UNC13C: variants seen among roughly 807,000 people sequenced by gnomAD.
UNC13C encodes the protein unc-13 homolog C, also known as protein unc-13 homolog C.
Under a neutral mutation model 245.4 loss-of-function variants are expected in UNC13C, and 174 were observed. That is an observed-to-expected ratio of 0.71 (90% CI 0.63 to 0.80). UNC13C has a LOEUF of 0.80. Ranked by LOEUF, UNC13C falls within the 30% of genes least tolerant of loss-of-function variation. The probability of loss-of-function intolerance (pLI) is 0.00; values close to 1 mark genes in which losing one functional copy is unlikely to be tolerated. For missense variants in UNC13C, 2,829 were observed against 2,602.9 expected, an observed-to-expected ratio of 1.09 and a Z score of -1.89; for synonymous variants, 992 against 895.1, an observed-to-expected ratio of 1.11 and a Z score of -1.93.
intron 4 of UNC13C, among the ~76,000 whole-genome samples, chr15:54,197,217 C>A (rs947911020): frequency 1.3e-5 from 2 of 152,152 alleles, no homozygotes; most frequent in African/African-American, 4.8e-5. Context: ...TGGCTCACGC[C>A]TGTAATCCCA....
intron 2 of UNC13C, among the ~76,000 whole-genome samples, chr15:54,110,422 G>T (rs752452410): frequency 3.9e-5 from 6 of 152,076 alleles, no homozygotes; most frequent in South Asian, 2.1e-4. Context: ...CTGTTTGTTA[G>T]GTCAAATGAG....
At chr15:54,543,894 G>C (rs1320991429) in intron 26 of UNC13C, among the ~76,000 whole-genome samples, 1 of 152,126 alleles carries the variant, frequency 6.6e-6, no homozygotes, top group African/African-American at 2.4e-5. Flanking sequence ...TATTCCTTCT[G>C]AAACTATTCC....
intron 4 of UNC13C, among the ~76,000 whole-genome samples, chr15:54,212,847 C>T (rs1332824260): frequency 6.6e-6 from 1 of 152,016 alleles, no homozygotes; most frequent in African/African-American, 2.4e-5. Context: ...ATTTCAGTTC[C>T]AGCAACTGTA....
chr15:54,110,124 A>G (rs1199910714), intron 2 of UNC13C, among the ~76,000 whole-genome samples: 1 of 151,894 alleles, frequency 6.6e-6, no homozygotes, highest in Non-Finnish European at 1.5e-5. Flanking sequence ...CTAAAAATAT[A>G]AAAAAATTAG....
At chr15:54,295,556 C>T (rs2037405774) in intron 11 of UNC13C, among the ~76,000 whole-genome samples, 3 of 151,936 alleles carry the variant, frequency 2.0e-5, no homozygotes, top group Admixed American at 6.6e-5. Flanking sequence ...GAGGCTGAGG[C>T]AGGAGGATCA....
At chr15:54,113,323 A>G (rs2141179113) in intron 2 of UNC13C, among the ~76,000 whole-genome samples, 1 of 152,318 alleles carries the variant, frequency 6.6e-6, no homozygotes, top group East Asian at 1.9e-4. Context: ...ATTATTTTAG[A>G]GATAGTAGGA....
chr15:54,598,180 C>T (rs1899205710), intron 30 of UNC13C, among the ~76,000 whole-genome samples: 1 of 152,204 alleles, frequency 6.6e-6, no homozygotes, highest in South Asian at 2.1e-4. Context: ...GCAACCTTCA[C>T]CTCCCTAGTT....
intron 4 of UNC13C, among the ~76,000 whole-genome samples, chr15:54,155,757 T>C (rs1595921439): frequency 6.6e-6 from 1 of 152,178 alleles, no homozygotes; most frequent in Non-Finnish European, 1.5e-5. Context: ...CATTTCTGAT[T>C]TGGAGTTCTC....
intron 7 of UNC13C, 49 bp from the exon 8 acceptor site, chr15:54,250,176 C>G: frequency 1.3e-6 from 2 of 1,552,396 alleles, no homozygotes; most frequent in Non-Finnish European, 1.8e-6. Flanking sequence ...TGAAACAATT[C>G]AAATCCACTG....
At position 54,515,856 on chromosome 15, in the gene UNC13C, C is replaced by T. The variant is rs145063063; in HGVS notation, c.5457+4026C>T. ...GATAATGCTATTTGTATTGTTATGA[C>T]TCAAAAAAGGATTGACTCTTCTGTG... On this transcript the variant is annotated intron_variant, in intron 24 of 32. Transcript: ENST00000260323. Among the ~76,000 whole-genome samples, 911 of 152,232 alleles carry T rather than the reference C, an allele frequency of 6.0e-3. 11 individuals are homozygous for T. Among genetic ancestry groups the T allele is most frequent in the African/African-American group, 0.021 (869 of 41,540 alleles).
intron 4 of UNC13C, among the ~76,000 whole-genome samples, chr15:54,208,623 G>C (rs190864102): frequency 1.3e-5 from 2 of 152,182 alleles, no homozygotes; most frequent in Admixed American, 1.3e-4. Flanking sequence ...GTGTATGATG[G>C]TCATAAGAAC....
At chr15:54,484,308 G>C (rs557144909) in intron 19 of UNC13C, among the ~76,000 whole-genome samples, 3 of 152,096 alleles carry the variant, frequency 2.0e-5, no homozygotes, top group African/African-American at 7.2e-5. Context: ...CCTAGCCATG[G>C]TTATTGATTG....
chr15:54,061,925 A>G lies in UNC13C; in HGVS notation c.2983+46039A>G, dbSNP rs185786307. Among the ~76,000 whole-genome samples, 4 of 152,330 alleles carry G rather than the reference A, an allele frequency of 2.6e-5. No homozygotes were observed. The East Asian group carries it at 7.7e-4, about 29-fold the overall frequency. On this transcript the variant is annotated intron_variant, in intron 2 of 32. Transcript: ENST00000260323. ...TTTGTAAATTTAAAAAATGCCCCTC[A>G]GAATTTGGGCAGCCCGTATCAATCA...
intron 2 of UNC13C, among the ~76,000 whole-genome samples, chr15:54,109,529 A>T (rs1216961642): frequency 2.0e-5 from 3 of 151,370 alleles, no homozygotes; most frequent in East Asian, 3.9e-4. Context: ...TTTAGTAGAG[A>T]TGGAGTTTTG....
At chr15:54,034,055 C>T (rs1409459173) in intron 2 of UNC13C, among the ~76,000 whole-genome samples, 1 of 152,184 alleles carries the variant, frequency 6.6e-6, no homozygotes, top group Non-Finnish European at 1.5e-5. Context: ...ATTCTGCGAG[C>T]TTTTGTTCCA....
intron 29 of UNC13C, 34 bp from the exon 30 acceptor site, chr15:54,567,766 C>T: frequency 1.3e-6 from 2 of 1,548,050 alleles, no homozygotes; most frequent in Non-Finnish European, 1.7e-6. Flanking sequence ...ATACTTCTCT[C>T]TAAATGCCTC....
At chr15:54,464,940 G>T (rs956476458) in intron 19 of UNC13C, among the ~76,000 whole-genome samples, 1 of 150,442 alleles carries the variant, frequency 6.6e-6, no homozygotes, top group East Asian at 1.9e-4. Context: ...GTCATTCATT[G>T]TCTAGCCCCA....
the UNC13C span, among the ~76,000 whole-genome samples, chr15:53,846,404 G>A: frequency 2.0e-4 from 31 of 152,216 alleles, no homozygotes; most frequent in African/African-American, 6.3e-4. Flanking sequence ...ACTTTACATC[G>A]TTTTTATGAT....
chr15:53,932,651 T>A, the UNC13C span, among the ~76,000 whole-genome samples: 5 of 152,192 alleles, frequency 3.3e-5, no homozygotes, highest in African/African-American at 4.8e-5. Flanking sequence ...CTTCTGAGTT[T>A]CTTTTTCTGC....
Sources: gnomAD v4.1 joint callset for allele counts (sites outside exome capture counted in the v4.1 genomes callset) on GRCh38, gnomAD v4.1.1 for gene constraint, MANE v1.5 for transcripts, NCBI Gene and HGNC (gene_info 2026-07-23, HGNC 2026-07-21) for gene names.